KIAA1549L: variants seen among roughly 807,000 people sequenced by gnomAD.
KIAA1549L encodes KIAA1549 like, also known as UPF0606 protein KIAA1549L.
In KIAA1549L, 88 loss-of-function variants were observed where a neutral mutation model predicts 160.7. The ratio of observed to expected loss-of-function variants is 0.55; its 90% CI spans 0.46 to 0.65. The LOEUF (loss-of-function observed/expected upper bound fraction) is 0.65. KIAA1549L is among the 30% of genes least tolerant of loss of function. The probability of loss-of-function intolerance (pLI) is 0.00; values close to 1 mark genes in which losing one functional copy is unlikely to be tolerated. For synonymous variants in KIAA1549L, 950 were observed against 976.7 expected (o/e 0.97, Z 0.51); for missense variants, 2,258 against 2,437.5 (o/e 0.93, Z 1.55).
intron 1 of KIAA1549L, among the ~76,000 whole-genome samples, chr11:33,394,328 G>A (rs1302972408): frequency 6.6e-6 from 1 of 152,138 alleles, no homozygotes. Flanking sequence ...AGAGGCTGCA[G>A]TGATCTGAGA....
intron 7 of KIAA1549L, among the ~76,000 whole-genome samples, chr11:33,560,822 C>A (rs1020091519): frequency 1.3e-5 from 2 of 152,126 alleles, no homozygotes; most frequent in African/African-American, 2.4e-5. Flanking sequence ...TAGCACATGG[C>A]AGCCACTCAG....
intron 1 of KIAA1549L, among the ~76,000 whole-genome samples, chr11:33,455,696 C>A (rs1851807953): frequency 6.6e-6 from 1 of 152,150 alleles, no homozygotes; most frequent in Non-Finnish European, 1.5e-5. Flanking sequence ...AACATGGGCC[C>A]TCTGAGAGAC....
At chr11:33,616,831 G>A (rs1850822702) in intron 15 of KIAA1549L, among the ~76,000 whole-genome samples, 1 of 152,080 alleles carries the variant, frequency 6.6e-6, no homozygotes, top group Non-Finnish European at 1.5e-5. Context: ...TAGAATCTTA[G>A]AATAGAGACA....
intron 1 of KIAA1549L, among the ~76,000 whole-genome samples, chr11:33,440,261 C>G (rs1320439350): frequency 4.0e-5 from 6 of 148,470 alleles, no homozygotes; most frequent in African/African-American, 1.2e-4. Context: ...TCCCAAGTAG[C>G]TGGGACTACA....
chr11:33,664,789 G>GTTGT (rs1469128605), intron 20 of KIAA1549L, among the ~76,000 whole-genome samples: 1 of 152,238 alleles, frequency 6.6e-6, no homozygotes, highest in African/African-American at 2.4e-5. Context: ...AGAAATTTCT[G>GTTGT]TTGTTTATAA....
chr11:33,537,373 A>C (rs938767631), intron 1 of KIAA1549L, among the ~76,000 whole-genome samples: 1 of 152,126 alleles, frequency 6.6e-6, no homozygotes, highest in South Asian at 2.1e-4. Context: ...GAGACCATGT[A>C]TGTTTTTCCT....
At chr11:33,526,600 A>AAGCTCCAT (rs1853617808) in intron 1 of KIAA1549L, among the ~76,000 whole-genome samples, 7 of 152,206 alleles carry the variant, frequency 4.6e-5, no homozygotes, top group Admixed American at 4.6e-4. Flanking sequence ...GTCTCTCAGG[A>AAGCTCCAT]AGCTCCATCC....
intron 3 of KIAA1549L, among the ~76,000 whole-genome samples, chr11:33,547,351 C>T (rs1854298212): frequency 6.6e-6 from 1 of 152,226 alleles, no homozygotes; most frequent in African/African-American, 2.4e-5. Flanking sequence ...TGTCTCCATC[C>T]CACTTGCGAG....
chr11:33,394,227 A>G (rs1184675283), intron 1 of KIAA1549L, among the ~76,000 whole-genome samples: 2 of 152,078 alleles, frequency 1.3e-5, no homozygotes, highest in Non-Finnish European at 2.9e-5. Context: ...TAAACAAAAC[A>G]AAACAAAAAT....
rs188622913 is a variant in KIAA1549L, at chr11:33,532,777, C to G, written c.239-9025C>G. ...TAGTTTGCTTTTCTTTAAGTGCTGC[C>G]GTTAAGGAAACCTGCCAGTGGGCAG... is the stretch of plus-strand genomic sequence containing the variant. On this transcript the variant is annotated intron_variant, in intron 1 of 20. Transcript: ENST00000658780. Among the ~76,000 whole-genome samples, 327 of 152,236 alleles carry G rather than the reference C, an allele frequency of 2.1e-3. 1 individual carries two copies. The highest frequency in any genetic ancestry group is 7.6e-3 in the African/African-American group (316 of 41,526).
intron 16 of KIAA1549L, among the ~76,000 whole-genome samples, chr11:33,629,531 ATTCAT>A (rs1851216399): frequency 1.3e-5 from 2 of 151,158 alleles, no homozygotes; most frequent in Admixed American, 6.6e-5. Flanking sequence ...GCTTCATTTC[ATTCAT>A]TTCATCTTCC....
At chr11:33,463,739 A>G (rs1317003101) in intron 1 of KIAA1549L, among the ~76,000 whole-genome samples, 3 of 152,208 alleles carry the variant, frequency 2.0e-5, no homozygotes, top group African/African-American at 7.2e-5. Context: ...ACATGCTTTA[A>G]CTTCTTTGCT....
chr11:33,649,343 G>GTAAA, intron 17 of KIAA1549L, among the ~76,000 whole-genome samples: 1 of 102,760 alleles, frequency 9.7e-6, no homozygotes, highest in African/African-American at 4.3e-5. Flanking sequence ...CTCTACGGGG[G>GTAAA]AAAAAAAAAA....
At chr11:33,451,109 G>A (rs1180481229) in intron 1 of KIAA1549L, among the ~76,000 whole-genome samples, 1 of 152,188 alleles carries the variant, frequency 6.6e-6, no homozygotes, top group Non-Finnish European at 1.5e-5. Flanking sequence ...ATAAAACACA[G>A]TATTGTTTCA....
chr11:33,456,570 C>T (rs1190547558), intron 1 of KIAA1549L, among the ~76,000 whole-genome samples: 2 of 152,032 alleles, frequency 1.3e-5, no homozygotes, highest in Non-Finnish European at 2.9e-5. Flanking sequence ...GCCACCACCC[C>T]TGGTCAATTT....
At chr11:33,480,791 T>C (rs1852395613) in intron 1 of KIAA1549L, among the ~76,000 whole-genome samples, 1 of 152,232 alleles carries the variant, frequency 6.6e-6, no homozygotes, top group Non-Finnish European at 1.5e-5. Context: ...AGACTGCCAC[T>C]GTTTGCCAAG....
At chr11:33,444,632 T>C (rs1339361378) in intron 1 of KIAA1549L, among the ~76,000 whole-genome samples, 1 of 152,262 alleles carries the variant, frequency 6.6e-6, no homozygotes, top group African/African-American at 2.4e-5. Flanking sequence ...AGATGAACTG[T>C]CCTTGCTTTT....
rs374918126 is a variant in KIAA1549L at position 33,543,196 on chromosome 11, A to G, written c.1633A>G (p.Ser545Gly). Reference protein sequence around the residue: ...PPATRDLLLSSKVPNLLSTSW... With the variant: ...PPATRDLLLSGKVPNLLSTSW... ...TGCAACTAGAGACTTGCTCCTCTCA[A>G]GCAAAGTTCCTAATCTTCTTTCCAC... Residue 545 changes from serine to glycine, a missense_variant, in exon 2 of 21, where the codon AGC becomes GGC. Coordinates refer to ENST00000658780, the MANE Select transcript of KIAA1549L (RefSeq NM_012194.3). 6.2e-7 allele frequency: 1 copy of G among 1,613,870 alleles called. No individual in the cohort carries two copies. Among genetic ancestry groups the G allele is most frequent in the African/African-American group, 1.3e-5 (1 of 74,960 alleles).
chr11:33,485,965 A>T (rs539128885), intron 1 of KIAA1549L, among the ~76,000 whole-genome samples: 14 of 152,256 alleles, frequency 9.2e-5, no homozygotes, highest in African/African-American at 3.4e-4. Flanking sequence ...TTCCATTTTT[A>T]AGGCTGAATA....
Sources: allele counts gnomAD v4.1 joint callset (sites outside exome capture counted in the v4.1 genomes callset), GRCh38; gene constraint gnomAD v4.1.1; transcripts MANE v1.5; gene names NCBI Gene and HGNC (gene_info 2026-07-23, HGNC 2026-07-21).